RANBP2: variants seen among roughly 807,000 people sequenced by gnomAD.
RANBP2 encodes RAN binding protein 2.
Under a neutral mutation model 303.6 loss-of-function variants are expected in RANBP2, and 57 were observed. The observed-to-expected ratio is 0.19, with a 90% CI of 0.15 to 0.23. RANBP2 has a LOEUF of 0.23. Ranked by LOEUF, RANBP2 falls within the 10% of genes least tolerant of loss-of-function variation. The pLI is 1.00. For synonymous variants in RANBP2, 1,167 were observed against 1,301.5 expected, an observed-to-expected ratio of 0.90 and a Z score of 2.23; for missense variants, 3,138 against 3,780.8, an observed-to-expected ratio of 0.83 and a Z score of 4.46.
At chr2:109,315,669 A>G in the RANBP2 span, among the ~76,000 whole-genome samples, 2 of 152,232 alleles carry the variant, frequency 1.3e-5, no homozygotes, top group African/African-American at 2.4e-5. Context: ...GGCAGTCTAT[A>G]AAGGGGCGAG....
the RANBP2 span, among the ~76,000 whole-genome samples, chr2:109,247,339 C>T: frequency 1.7e-4 from 26 of 152,174 alleles, no homozygotes; most frequent in African/African-American, 6.0e-4. Context: ...GCAGCCCCTC[C>T]CTGAACTTCG....
the RANBP2 span, among the ~76,000 whole-genome samples, chr2:109,353,024 C>G: frequency 0.012 from 1,772 of 152,400 alleles, 34 homozygotes; most frequent in African/African-American, 0.04. Context: ...GCCGCTGCAG[C>G]TGCCCCACCT....
the RANBP2 span, among the ~76,000 whole-genome samples, chr2:109,140,661 G>A: frequency 3.9e-5 from 6 of 152,258 alleles, no homozygotes; most frequent in Admixed American, 2.0e-4. Context: ...GATTACAGGC[G>A]TGAGCCACCA....
the RANBP2 span, among the ~76,000 whole-genome samples, chr2:109,243,250 A>G: frequency 6.6e-6 from 1 of 152,250 alleles, no homozygotes; most frequent in East Asian, 1.9e-4. Context: ...CCCATCAGCA[A>G]CTGCCAGTCC....
chr2:109,657,464 C>T, the RANBP2 span, among the ~76,000 whole-genome samples: 3 of 151,908 alleles, frequency 2.0e-5, no homozygotes, highest in African/African-American at 7.3e-5. Context: ...CAAACAAAAG[C>T]GAAAACATGG....
At chr2:109,680,104 G>A in the RANBP2 span, among the ~76,000 whole-genome samples, 1 of 151,832 alleles carries the variant, frequency 6.6e-6, no homozygotes, top group African/African-American at 2.4e-5. Context: ...CCAGCACTTT[G>A]GGAGGCTGAG....
the RANBP2 span, among the ~76,000 whole-genome samples, chr2:109,383,995 C>G: frequency 6.6e-6 from 1 of 152,330 alleles, no homozygotes; most frequent in Non-Finnish European, 1.5e-5. Context: ...GGGCTGGCCC[C>G]TCACAAATGA....
the RANBP2 span, among the ~76,000 whole-genome samples, chr2:109,088,952 G>A: frequency 7.1e-3 from 1,080 of 152,308 alleles, 16 homozygotes; most frequent in African/African-American, 0.024. Context: ...GATGAAAAGC[G>A]ATCGCTGAAT....
At chr2:109,587,093 T>C in the RANBP2 span, among the ~76,000 whole-genome samples, 2 of 152,188 alleles carry the variant, frequency 1.3e-5, no homozygotes, top group African/African-American at 4.8e-5. Context: ...GTAAGAACTT[T>C]AAATAATGAT....
chr2:108,783,562 T>A (rs772376019), intron 28 of RANBP2, 34 bp from the exon 29 acceptor site: 16 of 1,524,264 alleles, frequency 1.0e-5, no homozygotes, highest in African/African-American at 7.1e-5. Context: ...TTGAAAAAAA[T>A]TTTTAACTTT....
chr2:108,932,528 C>CAAAAAAAAAAAAAAAAAAAAAA, the RANBP2 span, among the ~76,000 whole-genome samples: 1 of 39,122 alleles, frequency 2.6e-5, no homozygotes, highest in African/African-American at 1.0e-4. Context: ...GACTCTGTCT[C>CAAAAAAAAAAAAAAAAAAAAAA]AAAAAAAAAA....
the RANBP2 span, among the ~76,000 whole-genome samples, chr2:109,096,282 A>G: frequency 6.6e-6 from 1 of 152,238 alleles, no homozygotes; most frequent in Non-Finnish European, 1.5e-5. Context: ...TCTTTGGGTT[A>G]TATTCATATA....
At chr2:109,604,494 A>G in the RANBP2 span, among the ~76,000 whole-genome samples, 102 of 151,232 alleles carry the variant, frequency 6.7e-4, no homozygotes, top group South Asian at 2.5e-3. Flanking sequence ...TGGGAGGCCG[A>G]GGCGGGTGGG....
the RANBP2 span, among the ~76,000 whole-genome samples, chr2:109,443,767 A>G: frequency 6.6e-6 from 1 of 152,364 alleles, no homozygotes; most frequent in South Asian, 2.1e-4. Flanking sequence ...GGATAAAGGT[A>G]CAAGGAGAAA....
the RANBP2 span, among the ~76,000 whole-genome samples, chr2:108,994,548 G>A: frequency 2.4e-4 from 37 of 152,132 alleles, no homozygotes; most frequent in Non-Finnish European, 4.3e-4. Flanking sequence ...AAACCTATTT[G>A]CACTATACCA....
chr2:109,272,738 G>A, the RANBP2 span, among the ~76,000 whole-genome samples: 3,059 of 152,336 alleles, frequency 0.02, 90 homozygotes, highest in African/African-American at 0.07. Flanking sequence ...GCCCAGCTGG[G>A]TGGGTATGTG....
At chr2:109,220,070 G>A in the RANBP2 span, among the ~76,000 whole-genome samples, 1 of 152,190 alleles carries the variant, frequency 6.6e-6, no homozygotes, top group Non-Finnish European at 1.5e-5. Context: ...TAGCATAAGG[G>A]ATAGATATAT....
At chr2:109,143,956 G>A in the RANBP2 span, among the ~76,000 whole-genome samples, 1 of 152,276 alleles carries the variant, frequency 6.6e-6, no homozygotes, top group African/African-American at 2.4e-5. Flanking sequence ...GACACAGAAA[G>A]GCAAATACTG....
At chr2:109,024,876 T>C in the RANBP2 span, among the ~76,000 whole-genome samples, 2 of 152,232 alleles carry the variant, frequency 1.3e-5, no homozygotes. Context: ...TAGCATATAA[T>C]TGACCATATT....
Sources: gnomAD v4.1 joint callset for allele counts (sites outside exome capture counted in the v4.1 genomes callset) on GRCh38, gnomAD v4.1.1 for gene constraint, MANE v1.5 for transcripts, NCBI Gene and HGNC (gene_info 2026-07-23, HGNC 2026-07-21) for gene names.